The following ESRRG variants were observed in gnomAD, a reference collection of about 807,000 sequenced individuals.
The protein encoded by ESRRG is estrogen-related receptor gamma.
ESRRG carries 13 observed loss-of-function variants against 44.0 expected under a neutral mutation model. That is an observed-to-expected ratio of 0.30 (90% confidence interval 0.19 to 0.47). The LOEUF is 0.47. Among genes scored for constraint, ESRRG ranks in the 20% least tolerant of loss-of-function variants. The pLI is 1.00. For missense variants in ESRRG, 395 were observed against 580.6 expected, an observed-to-expected ratio of 0.68 and a Z score of 3.29; for synonymous variants, 215 against 214.6, an observed-to-expected ratio of 1.00 and a Z score of -0.02.
intron 5 of ESRRG, among the ~76,000 whole-genome samples, chr1:216,528,164 CA>C (rs1307601165): frequency 6.6e-6 from 1 of 152,090 alleles, no homozygotes; most frequent in South Asian, 2.1e-4. Context: ...CAACATATAA[CA>C]AAAAGGGGTG....
intron 1 of ESRRG, among the ~76,000 whole-genome samples, chr1:217,049,476 C>T (rs2085499514): frequency 6.6e-6 from 1 of 152,142 alleles, no homozygotes; most frequent in Admixed American, 6.5e-5. Context: ...AGTAGTAAAG[C>T]TTCTTGGAAA....
At chr1:217,091,750 G>C (rs1160468070), upstream of ESRRG, among the ~76,000 whole-genome samples, 2 of 152,154 alleles carry the variant, frequency 1.3e-5, no homozygotes, top group African/African-American at 4.8e-5. Flanking sequence ...TTTCCAAAGA[G>C]GGCAAAGGCC....
chr1:216,746,326 G>A (rs2152268769), intron 2 of ESRRG, among the ~76,000 whole-genome samples: 1 of 152,248 alleles, frequency 6.6e-6, no homozygotes, highest in Middle Eastern at 3.4e-3. Context: ...ATGTATAATA[G>A]AGGAGGCCCA....
Position 216,806,654 on chromosome 1 carries a change from G to T in ESRRG, c.-13-129163C>A, listed in dbSNP as rs188508064. 1.8e-4 allele frequency among the ~76,000 whole-genome samples: 27 copies of T among 152,236 alleles called. No individual in the cohort carries two copies. The East Asian group carries it at 5.0e-3, about 28-fold the overall frequency. The stretch of plus-strand genomic sequence containing the variant: ...TTCACCTCACTCTAGTCCTGCCCCA[G>T]TGTATTATATTACTTGTGGAGTTAA... On this transcript the variant is annotated intron_variant, in intron 2 of 7. Transcript: ENST00000359162.
At chr1:216,819,363 A>G (rs1377278855) in intron 2 of ESRRG, among the ~76,000 whole-genome samples, 2 of 132,808 alleles carry the variant, frequency 1.5e-5, no homozygotes, top group African/African-American at 2.7e-5. Context: ...AATCCTTCCT[A>G]TTCTTTAAAG....
chr1:216,611,445 T>C (rs1003397913), intron 3 of ESRRG, among the ~76,000 whole-genome samples: 5 of 152,190 alleles, frequency 3.3e-5, no homozygotes, highest in Non-Finnish European at 7.4e-5. Flanking sequence ...AAATGTGAAG[T>C]CTACTTAATG....
At chr1:217,074,198 C>T (rs2090965106) in intron 1 of ESRRG, among the ~76,000 whole-genome samples, 1 of 151,954 alleles carries the variant, frequency 6.6e-6, no homozygotes, top group Non-Finnish European at 1.5e-5. Context: ...CAGGTGCCCA[C>T]CACCGTGCCT....
intron 3 of ESRRG, among the ~76,000 whole-genome samples, chr1:216,624,794 C>G (rs941411767): frequency 6.6e-6 from 1 of 152,164 alleles, no homozygotes; most frequent in Non-Finnish European, 1.5e-5. Flanking sequence ...CATACCTTAA[C>G]TAAACTCATG....
At chr1:216,866,652 T>C (rs1258992429) in intron 2 of ESRRG, among the ~76,000 whole-genome samples, 1 of 151,930 alleles carries the variant, frequency 6.6e-6, no homozygotes, top group African/African-American at 2.4e-5. Flanking sequence ...CTCATTGCAG[T>C]CTTGACCTCC....
In ESRRG at chr1:217,114,314, G is replaced by A. The variant is rs148477612; in HGVS notation, c.-230+23353C>T. On this transcript the variant is annotated intron_variant, in intron 1 of 8. Coordinates refer to the ESRRG transcript ENST00000366940. The stretch of plus-strand genomic sequence containing the variant: ...CTCACACCTGTGGTCTCTGTACAGA[G>A]GGCAGTACCAGCAACACCTTACATT... Among the ~76,000 whole-genome samples the A allele has an allele frequency of 2.6e-3, 391 of 151,968 alleles. 1 individual carries two copies. Among genetic ancestry groups the A allele is most frequent in the African/African-American group, 9.0e-3 (375 of 41,446 alleles).
intron 3 of ESRRG, among the ~76,000 whole-genome samples, chr1:216,631,662 T>C (rs955946649): frequency 1.3e-5 from 2 of 152,114 alleles, no homozygotes; most frequent in Non-Finnish European, 2.9e-5. Context: ...TATAAGTATA[T>C]ATACGATATA....
At chr1:217,071,053 C>T (rs2090493687) in intron 1 of ESRRG, among the ~76,000 whole-genome samples, 1 of 152,086 alleles carries the variant, frequency 6.6e-6, no homozygotes, top group South Asian at 2.1e-4. Context: ...TCCTCATTGT[C>T]CCATTATTCT....
chr1:216,623,758 A>C (rs926957240), intron 3 of ESRRG, among the ~76,000 whole-genome samples: 1 of 152,196 alleles, frequency 6.6e-6, no homozygotes, highest in Non-Finnish European at 1.5e-5. Context: ...AATATGAAAA[A>C]TATACTGAGG....
chr1:216,558,207 T>TA (rs1242153352), intron 5 of ESRRG, among the ~76,000 whole-genome samples: 2 of 152,162 alleles, frequency 1.3e-5, no homozygotes, highest in Non-Finnish European at 2.9e-5. Flanking sequence ...CTGCAGAAAA[T>TA]AGAGTCCCTA....
intron 5 of ESRRG, among the ~76,000 whole-genome samples, chr1:216,537,304 C>T (rs2051270595): frequency 1.3e-5 from 2 of 151,990 alleles, no homozygotes; most frequent in Non-Finnish European, 2.9e-5. Flanking sequence ...TCACCAGACA[C>T]TGAATGTGCC....
intron 5 of ESRRG, among the ~76,000 whole-genome samples, chr1:216,550,721 C>T (rs952550970): frequency 2.0e-5 from 3 of 152,112 alleles, no homozygotes; most frequent in African/African-American, 7.2e-5. Context: ...TCTATATTCC[C>T]ATATTAAGTC....
chr1:216,538,267 T>C (rs1271823374), intron 5 of ESRRG, among the ~76,000 whole-genome samples: 1 of 152,062 alleles, frequency 6.6e-6, no homozygotes, highest in Admixed American at 6.6e-5. Context: ...TTTGTGTGTG[T>C]GTGTGTGTGC....
intron 2 of ESRRG, among the ~76,000 whole-genome samples, chr1:216,790,240 G>A (rs1432327106): frequency 6.6e-6 from 1 of 152,024 alleles, no homozygotes; most frequent in Non-Finnish European, 1.5e-5. Context: ...ACACTATTTT[G>A]GAGACTGTCA....
chr1:216,611,364 G>A (rs2150317383), intron 3 of ESRRG, among the ~76,000 whole-genome samples: 1 of 151,978 alleles, frequency 6.6e-6, no homozygotes, highest in African/African-American at 2.4e-5. Flanking sequence ...GTAGCCTGAA[G>A]ACCTAATTCC....
Sources: gnomAD v4.1 joint callset for allele counts (sites outside exome capture counted in the v4.1 genomes callset) on GRCh38, gnomAD v4.1.1 for gene constraint, MANE v1.5 for transcripts, NCBI Gene and HGNC (gene_info 2026-07-23, HGNC 2026-07-21) for gene names.